SRGAP3: variants seen among roughly 807,000 people sequenced by gnomAD.
The protein encoded by SRGAP3 is SLIT-ROBO Rho GTPase-activating protein 3.
SRGAP3 carries 39 observed loss-of-function variants against 121.1 expected under a neutral mutation model. That is an observed-to-expected ratio of 0.32 (90% CI 0.25 to 0.42). The LOEUF (loss-of-function observed/expected upper bound fraction) is 0.42, where lower values mean the gene tolerates loss of function less well. Ranked by LOEUF, SRGAP3 falls within the 10% of genes least tolerant of loss-of-function variation. The pLI, the probability that SRGAP3 is intolerant of heterozygous loss-of-function variation, is 1.00. For synonymous variants in SRGAP3, 601 were observed against 570.0 expected (o/e 1.05, Z -0.77); for missense variants, 1,213 against 1,470.6 (o/e 0.82, Z 2.86).
intron 10 of SRGAP3, among the ~76,000 whole-genome samples, chr3:9,044,770 A>G (rs1039983736): frequency 6.6e-6 from 1 of 152,220 alleles, no homozygotes; most frequent in Non-Finnish European, 1.5e-5. Context: ...TCACCAGTTG[A>G]CACTAAGAAG....
intron 3 of SRGAP3, among the ~76,000 whole-genome samples, chr3:9,101,895 T>C (rs1284737392): frequency 7.7e-6 from 1 of 130,468 alleles, no homozygotes; most frequent in African/African-American, 2.5e-5. Context: ...CTTCTGGAAT[T>C]TGAAGTGCTC....
intron 3 of SRGAP3, among the ~76,000 whole-genome samples, chr3:9,255,507 A>G (rs1022129435): frequency 6.2e-4 from 94 of 152,316 alleles, no homozygotes; most frequent in African/African-American, 2.2e-3. Flanking sequence ...AGTCTCTCCC[A>G]GGAGTTCCAG....
chr3:9,022,523 G>A (rs947245792), intron 14 of SRGAP3, among the ~76,000 whole-genome samples: 3 of 152,202 alleles, frequency 2.0e-5, no homozygotes, highest in African/African-American at 7.2e-5. Flanking sequence ...TGACGGCCAG[G>A]AAGAGGGAAG....
At chr3:9,059,678 C>G (rs975688713) in intron 6 of SRGAP3, 7 of 202,624 alleles carry the variant, frequency 3.5e-5, no homozygotes, top group African/African-American at 1.6e-4. Flanking sequence ...TCCTGCACAG[C>G]GGGTACTCGG....
intron 1 of SRGAP3, among the ~76,000 whole-genome samples, chr3:9,212,669 C>G (rs772947294): frequency 6.6e-6 from 1 of 152,162 alleles, no homozygotes. Context: ...GAGCCAAGAT[C>G]AAGCCACTGC....
At chr3:9,276,464 C>T (rs1423195414) in intron 3 of SRGAP3, among the ~76,000 whole-genome samples, 4 of 149,334 alleles carry the variant, frequency 2.7e-5, no homozygotes, top group East Asian at 2.0e-4. Flanking sequence ...CTCCCACTGT[C>T]GCCCAGGCTG....
At chr3:8,993,816 C>G (rs558471645) in intron 19 of SRGAP3, 4 of 167,788 alleles carry the variant, frequency 2.4e-5, no homozygotes, top group Non-Finnish European at 5.2e-5. Flanking sequence ...GCACTGGAAG[C>G]TTCCATGGCT....
At chr3:9,091,704 G>T (rs538069960) in intron 3 of SRGAP3, among the ~76,000 whole-genome samples, 111 of 152,232 alleles carry the variant, frequency 7.3e-4, no homozygotes, top group Non-Finnish European at 1.3e-3. Flanking sequence ...CCAGGACTTT[G>T]GTTGCCAATA....
intron 11 of SRGAP3, 37 bp from the exon 12 acceptor site, chr3:9,032,789 A>T (rs1397270844): frequency 6.4e-7 from 1 of 1,568,024 alleles, no homozygotes; most frequent in South Asian, 1.1e-5. Flanking sequence ...CAAGAAAGCA[A>T]CCAACATAAA....
At chr3:9,028,624 G>C (rs996237836) in intron 12 of SRGAP3, among the ~76,000 whole-genome samples, 1 of 152,158 alleles carries the variant, frequency 6.6e-6, no homozygotes, top group African/African-American at 2.4e-5. Context: ...AACATTCTTG[G>C]TGAAAAGTTC....
At chr3:9,249,773 G>A (rs117506849), upstream of SRGAP3, 4 of 211,090 alleles carry the variant, frequency 1.9e-5, no homozygotes, top group Non-Finnish European at 3.8e-5. Context: ...AGCAAAAAGG[G>A]GAAGAAACGC....
intron 18 of SRGAP3, among the ~76,000 whole-genome samples, chr3:9,005,483 T>C (rs1427131388): frequency 2.0e-5 from 3 of 152,190 alleles, no homozygotes; most frequent in Non-Finnish European, 4.4e-5. Flanking sequence ...CACACATGTT[T>C]GCAGCAGTAT....
At chr3:9,184,214 T>C (rs1380456836) in intron 1 of SRGAP3, among the ~76,000 whole-genome samples, 1 of 152,142 alleles carries the variant, frequency 6.6e-6, no homozygotes, top group Non-Finnish European at 1.5e-5. Flanking sequence ...CCAGAGGCCA[T>C]GGCAAGGAAG....
chr3:9,341,269 G>C (rs1387172654), intron 1 of SRGAP3, among the ~76,000 whole-genome samples: 1 of 149,502 alleles, frequency 6.7e-6, no homozygotes, highest in Non-Finnish European at 1.5e-5. Context: ...AGAGCAGCAC[G>C]ATGTGGACAC....
At chr3:9,233,588 T>C (rs1014791767) in intron 1 of SRGAP3, among the ~76,000 whole-genome samples, 6 of 152,212 alleles carry the variant, frequency 3.9e-5, no homozygotes, top group African/African-American at 1.4e-4. Context: ...CTTAAATATT[T>C]TGATGACTTC....
At chr3:9,246,301 T>G (rs1021098234) in intron 1 of SRGAP3, among the ~76,000 whole-genome samples, 1 of 152,160 alleles carries the variant, frequency 6.6e-6, no homozygotes, top group Non-Finnish European at 1.5e-5. Context: ...GCCAGATGAT[T>G]CCCAGGGAGA....
At chr3:9,084,364 G>A (rs1025957684) in intron 3 of SRGAP3, among the ~76,000 whole-genome samples, 1 of 152,156 alleles carries the variant, frequency 6.6e-6, no homozygotes, top group African/African-American at 2.4e-5. Flanking sequence ...TTAACTGGAT[G>A]GAAGAGAAAG....
chr3:9,112,773 A>G (rs1948676404), intron 2 of SRGAP3, among the ~76,000 whole-genome samples: 1 of 151,984 alleles, frequency 6.6e-6, no homozygotes, highest in African/African-American at 2.4e-5. Context: ...AGCACTCCAC[A>G]CCTGATGCTT....
chr3:9,071,640 G>GTGGA (rs3067636), intron 4 of SRGAP3, among the ~76,000 whole-genome samples: 4,947 of 144,904 alleles, frequency 0.034, 102 homozygotes, highest in East Asian at 0.069. Context: ...ATTCTCAAAG[G>GTGGA]TGGATGGATG....
Sources: allele counts gnomAD v4.1 joint callset (sites outside exome capture counted in the v4.1 genomes callset), GRCh38; gene constraint gnomAD v4.1.1; transcripts MANE v1.5; gene names NCBI Gene and HGNC (gene_info 2026-07-23, HGNC 2026-07-21).